Variants in HIBADH observed in about 807,000 individuals in gnomAD.
HIBADH encodes 3-hydroxyisobutyrate dehydrogenase.
In HIBADH, 25 loss-of-function variants were observed where a neutral mutation model predicts 36.1. That is an observed-to-expected ratio of 0.69 (90% CI 0.50 to 0.97). HIBADH has a LOEUF of 0.97. HIBADH is among the 50% of genes least tolerant of loss of function. HIBADH has a pLI of 0.00. For synonymous variants in HIBADH, 160 were observed against 149.5 expected (o/e 1.07, Z -0.51); for missense variants, 421 against 418.0 (o/e 1.01, Z -0.06).
chr7:27,647,183 G>C (rs77713479), intron 2 of HIBADH, among the ~76,000 whole-genome samples: 301 of 152,168 alleles, frequency 2.0e-3, no homozygotes, highest in African/African-American at 7.0e-3. Flanking sequence ...CACAACACCC[G>C]ATCACTGAGG....
chr7:27,645,153 T>G (rs1453822754), intron 2 of HIBADH, among the ~76,000 whole-genome samples: 1 of 152,158 alleles, frequency 6.6e-6, no homozygotes. Flanking sequence ...TTTTTATTTC[T>G]CTTGGGTATA....
intron 4 of HIBADH, among the ~76,000 whole-genome samples, chr7:27,586,844 C>T (rs1004807353): frequency 3.9e-5 from 6 of 152,196 alleles, no homozygotes; most frequent in Non-Finnish European, 8.8e-5. Context: ...CCTGCAGGTA[C>T]AGTACCCTGA....
chr7:27,657,419 T>A (rs1786326555), intron 1 of HIBADH, among the ~76,000 whole-genome samples: 1 of 152,284 alleles, frequency 6.6e-6, no homozygotes, highest in Middle Eastern at 3.4e-3. Context: ...TGTAACAGTA[T>A]GTTTGTTAGA....
intron 4 of HIBADH, among the ~76,000 whole-genome samples, chr7:27,578,491 T>C (rs955007287): frequency 6.6e-6 from 1 of 152,208 alleles, no homozygotes; most frequent in Admixed American, 6.5e-5. Context: ...ATTTTTTTTG[T>C]ATTTTAGTAG....
chr7:27,531,739 A>C (rs1784005226), intron 6 of HIBADH, among the ~76,000 whole-genome samples: 1 of 152,152 alleles, frequency 6.6e-6, no homozygotes, highest in Non-Finnish European at 1.5e-5. Context: ...TACATTCTTT[A>C]CCCACAAATG....
At chr7:27,570,066 TCAGACTGGGAGATACAAAAAGTGGGGAA>T (rs1784606018) in intron 4 of HIBADH, among the ~76,000 whole-genome samples, 1 of 152,224 alleles carries the variant, frequency 6.6e-6, no homozygotes, top group African/African-American at 2.4e-5. Flanking sequence ...GTCTTTGAAT[TCAGACTGGGAGATACAAAAAGTGGGGAA>T]AGGATCCAGG....
At chr7:27,555,943 G>C (rs1784382652) in intron 4 of HIBADH, among the ~76,000 whole-genome samples, 1 of 151,864 alleles carries the variant, frequency 6.6e-6, no homozygotes, top group African/African-American at 2.4e-5. Flanking sequence ...TTCTTTCCTT[G>C]CCCTTTCTCT....
Position 27,628,239 on chromosome 7 carries a change from A to T in HIBADH, c.484+1132T>A, listed in dbSNP as rs147609467. On this transcript the variant is annotated intron_variant, in intron 4 of 7. Coordinates refer to ENST00000265395, the MANE Select transcript of HIBADH (RefSeq NM_152740.4). ...CAATATAACAATCAGAAGAGCCAGCAATTATTTATTCCTCCACCTATATTC... is the reference window on the plus strand; with the variant it reads ...CAATATAACAATCAGAAGAGCCAGCTATTATTTATTCCTCCACCTATATTC... 6.9e-3 allele frequency among the ~76,000 whole-genome samples: 1,057 copies of T among 152,200 alleles called. 5 individuals are homozygous for T. The highest frequency in any genetic ancestry group is 0.011 in the Non-Finnish European group (772 of 67,936).
At chr7:27,658,707 TCA>T (rs1304889708) in intron 1 of HIBADH, among the ~76,000 whole-genome samples, 11 of 152,218 alleles carry the variant, frequency 7.2e-5, no homozygotes, top group Admixed American at 5.9e-4. Context: ...GCATGGACTT[TCA>T]GTCTTTTGAC....
Position 27,531,183 on chromosome 7 carries a change from T to C in HIBADH, c.852+9A>G, listed in dbSNP as rs767296159. On this transcript the variant is annotated intron_variant, in intron 7 of 7. Coordinates refer to ENST00000265395, the MANE Select transcript of HIBADH (RefSeq NM_152740.4). ...TTCCTTCTCTCTTGGGTGTCTACAT[T>C]TACCATACCTTAGCCATGAGTGTTG... The C allele has an allele frequency of 6.2e-7, 1 of 1,609,366 alleles. No homozygotes were observed. The highest frequency in any genetic ancestry group is 8.5e-7 in the Non-Finnish European group (1 of 1,177,484).
At chr7:27,555,328 A>T (rs1260323666) in intron 4 of HIBADH, among the ~76,000 whole-genome samples, 1 of 145,256 alleles carries the variant, frequency 6.9e-6, no homozygotes, top group Non-Finnish European at 1.5e-5. Flanking sequence ...TTTTTTAAAT[A>T]AAGACTAAGC....
At chr7:27,590,346 C>G (rs1310680749) in intron 4 of HIBADH, among the ~76,000 whole-genome samples, 3 of 152,156 alleles carry the variant, frequency 2.0e-5, no homozygotes, top group Non-Finnish European at 4.4e-5. Context: ...TGTAAGTGCT[C>G]TTTTCACTAT....
intron 4 of HIBADH, among the ~76,000 whole-genome samples, chr7:27,602,844 C>CA (rs769549794): frequency 2.8e-4 from 43 of 151,712 alleles, no homozygotes; most frequent in Non-Finnish European, 3.8e-4. Flanking sequence ...TTTCGCATGC[C>CA]AAAAAAAATC....
At chr7:27,612,708 A>T (rs938153050) in intron 4 of HIBADH, among the ~76,000 whole-genome samples, 5 of 151,678 alleles carry the variant, frequency 3.3e-5, no homozygotes, top group Non-Finnish European at 4.4e-5. Flanking sequence ...CCAACGCAGG[A>T]GGATCACTTG....
chr7:27,607,169 A>G (rs1034581792), intron 4 of HIBADH, among the ~76,000 whole-genome samples: 1 of 152,228 alleles, frequency 6.6e-6, no homozygotes, highest in Non-Finnish European at 1.5e-5. Context: ...GTTCAGTCCA[A>G]TTAAAGACCA....
chr7:27,620,237 T>C (rs1284875228), intron 4 of HIBADH, among the ~76,000 whole-genome samples: 1 of 152,042 alleles, frequency 6.6e-6, no homozygotes, highest in Non-Finnish European at 1.5e-5. Context: ...GGGGAATCGC[T>C]TGAACCCAGG....
At chr7:27,647,659 T>C in intron 2 of HIBADH, 1 of 356,514 alleles carries the variant, frequency 2.8e-6, no homozygotes. Flanking sequence ...AAGGCAGCCT[T>C]CCTTCATACC....
intron 4 of HIBADH, among the ~76,000 whole-genome samples, chr7:27,592,374 A>G (rs899559085): frequency 2.6e-5 from 4 of 152,228 alleles, no homozygotes; most frequent in African/African-American, 9.6e-5. Flanking sequence ...TAAGATAACG[A>G]AGAGACTATC....
intron 4 of HIBADH, among the ~76,000 whole-genome samples, chr7:27,608,320 A>G (rs1214290712): frequency 2.0e-5 from 3 of 152,228 alleles, no homozygotes; most frequent in Non-Finnish European, 4.4e-5. Flanking sequence ...ATCTGCTGCC[A>G]TACTTTCCTT....
Sources: allele counts gnomAD v4.1 joint callset (sites outside exome capture counted in the v4.1 genomes callset), GRCh38; gene constraint gnomAD v4.1.1; transcripts MANE v1.5; gene names NCBI Gene and HGNC (gene_info 2026-07-23, HGNC 2026-07-21).